Variants in GLIS3 observed in about 807,000 individuals in gnomAD.
The protein encoded by GLIS3 is zinc finger protein GLIS3.
In GLIS3, 53 loss-of-function variants were observed where a neutral mutation model predicts 78.6. The observed-to-expected ratio is 0.67, with a 90% CI of 0.54 to 0.85. The LOEUF (loss-of-function observed/expected upper bound fraction) is 0.85. Among genes scored for constraint, GLIS3 ranks in the 40% least tolerant of loss-of-function variants. The pLI is 0.00. For missense variants in GLIS3, 1,703 were observed against 1,231.1 expected, an observed-to-expected ratio of 1.38 and a Z score of -5.74; for synonymous variants, 684 against 509.9, an observed-to-expected ratio of 1.34 and a Z score of -4.60.
At chr9:4,306,859 A>T (rs1817238913) in intron 4 of GLIS3, among the ~76,000 whole-genome samples, 1 of 152,238 alleles carries the variant, frequency 6.6e-6, no homozygotes, top group Non-Finnish European at 1.5e-5. Context: ...AAGCAACAGA[A>T]GTAGAGAGTC....
At chr9:4,253,958 T>C (rs1331321478) in intron 2 of GLIS3, among the ~76,000 whole-genome samples, 3 of 152,140 alleles carry the variant, frequency 2.0e-5, no homozygotes, top group Non-Finnish European at 1.5e-5. Flanking sequence ...CCAGTCCCAA[T>C]GACATGAGCC....
intron 4 of GLIS3, chr9:4,071,235 A>C (rs763530471): frequency 1.3e-5 from 2 of 152,196 alleles, no homozygotes; most frequent in Non-Finnish European, 2.9e-5. Context: ...ATGTCCCAGC[A>C]GATAACTGTT....
intron 4 of GLIS3, among the ~76,000 whole-genome samples, chr9:3,944,545 G>A (rs746636736): frequency 6.6e-6 from 1 of 152,250 alleles, no homozygotes; most frequent in East Asian, 1.9e-4. Context: ...TGGTTGCCTG[G>A]AGGTTGTGTA....
intron 2 of GLIS3, among the ~76,000 whole-genome samples, chr9:4,253,679 G>T (rs971056662): frequency 6.6e-6 from 1 of 152,194 alleles, no homozygotes; most frequent in Non-Finnish European, 1.5e-5. Context: ...GCAGCTAGCT[G>T]GGTGTCCGCC....
intron 2 of GLIS3, among the ~76,000 whole-genome samples, chr9:4,240,195 T>G (rs1442409328): frequency 3.5e-4 from 49 of 138,958 alleles, no homozygotes; most frequent in South Asian, 4.7e-4. Flanking sequence ...GTGGGGGAGG[T>G]GGGGGGGGGG....
At chr9:4,333,238 G>GAGGGGAAGCAAAGGAAA (rs71324300) in intron 2 of GLIS3, among the ~76,000 whole-genome samples, 26,557 of 145,248 alleles carry the variant, frequency 0.18, 2,963 homozygotes, top group Admixed American at 0.33. Flanking sequence ...AGGAAAAGTG[G>GAGGGGAAGCAAAGGAAA]AGGGGAAGGA....
intron 4 of GLIS3, among the ~76,000 whole-genome samples, chr9:4,116,960 G>C (rs986566208): frequency 1.3e-5 from 2 of 152,198 alleles, no homozygotes; most frequent in African/African-American, 4.8e-5. Context: ...TCTGTGAGGT[G>C]TGAAATTGTT....
intron 2 of GLIS3, among the ~76,000 whole-genome samples, chr9:4,329,620 G>T (rs535672000): frequency 3.9e-5 from 6 of 152,114 alleles, no homozygotes; most frequent in Admixed American, 3.9e-4. Flanking sequence ...TATCTCTACA[G>T]GGTTCTATAG....
At chr9:4,078,080 G>C (rs1554690229) in intron 4 of GLIS3, among the ~76,000 whole-genome samples, 1 of 152,090 alleles carries the variant, frequency 6.6e-6, no homozygotes, top group Non-Finnish European at 1.5e-5. Context: ...TGAATGATAT[G>C]GTCCCCCATT....
At chr9:3,840,571 T>G (rs1818649967) in intron 9 of GLIS3, among the ~76,000 whole-genome samples, 1 of 152,194 alleles carries the variant, frequency 6.6e-6, no homozygotes, top group African/African-American at 2.4e-5. Context: ...TTTAAGCAAC[T>G]ACTCTACTAA....
chr9:4,415,008 T>C, the GLIS3 span, among the ~76,000 whole-genome samples: 4 of 152,246 alleles, frequency 2.6e-5, no homozygotes, highest in Non-Finnish European at 1.5e-5. Context: ...AGAGTTCTTT[T>C]TTTTCCTATT....
intron 2 of GLIS3, among the ~76,000 whole-genome samples, chr9:4,206,934 C>A (rs968442416): frequency 3.3e-5 from 5 of 152,186 alleles, no homozygotes; most frequent in African/African-American, 1.2e-4. Context: ...TGACAAACAA[C>A]AACTGCTTAA....
chr9:4,217,743 A>G (rs1228064141), intron 2 of GLIS3, among the ~76,000 whole-genome samples: 1 of 152,228 alleles, frequency 6.6e-6, no homozygotes, highest in Admixed American at 6.5e-5. Flanking sequence ...GCCGTGAGCA[A>G]AAATAACTCC....
At chr9:4,190,164 C>G (rs1387817357) in intron 2 of GLIS3, among the ~76,000 whole-genome samples, 1 of 152,168 alleles carries the variant, frequency 6.6e-6, no homozygotes, top group Non-Finnish European at 1.5e-5. Flanking sequence ...TCACCAGCAA[C>G]GGAACAAAGC....
At chr9:3,852,784 A>C (rs1819516739) in intron 9 of GLIS3, among the ~76,000 whole-genome samples, 1 of 152,232 alleles carries the variant, frequency 6.6e-6, no homozygotes, top group South Asian at 2.1e-4. Context: ...ACCTCATTGC[A>C]ACAGTCACTG....
intron 4 of GLIS3, among the ~76,000 whole-genome samples, chr9:4,106,172 G>A (rs928200347): frequency 1.3e-5 from 2 of 152,120 alleles, no homozygotes; most frequent in Non-Finnish European, 2.9e-5. Context: ...GGGCCAAAAG[G>A]TCAGGGCCCT....
At chr9:3,855,867 T>C in intron 9 of GLIS3, 142 bp downstream of exon 9, 3 of 873,896 alleles carry the variant, frequency 3.4e-6, no homozygotes, top group Non-Finnish European at 3.8e-6. Flanking sequence ...GCCTATCAAG[T>C]GTGAAATTTT....
chr9:3,973,515 C>A (rs1440644400), intron 4 of GLIS3, among the ~76,000 whole-genome samples: 1 of 152,106 alleles, frequency 6.6e-6, no homozygotes, highest in Non-Finnish European at 1.5e-5. Flanking sequence ...TGAATTACCT[C>A]CCAGAAGTTG....
At chr9:3,934,187 C>T (rs1356406870) in intron 5 of GLIS3, among the ~76,000 whole-genome samples, 1 of 152,204 alleles carries the variant, frequency 6.6e-6, no homozygotes, top group East Asian at 1.9e-4. Context: ...TCTGAATTTG[C>T]ATAGCCTTCT....
Sources: gnomAD v4.1 joint callset for allele counts (sites outside exome capture counted in the v4.1 genomes callset) on GRCh38, gnomAD v4.1.1 for gene constraint, MANE v1.5 for transcripts, NCBI Gene and HGNC (gene_info 2026-07-23, HGNC 2026-07-21) for gene names.